The following IL1RAPL1 variants were observed in gnomAD, a reference collection of about 807,000 sequenced individuals.
IL1RAPL1 encodes the protein interleukin 1 receptor accessory protein like 1, also known as interleukin-1 receptor accessory protein-like 1.
IL1RAPL1 carries 3 observed loss-of-function variants against 48.4 expected under a neutral mutation model. The ratio of observed to expected loss-of-function variants is 0.06; its 90% CI spans 0.03 to 0.16. The LOEUF is 0.16. Ranked by LOEUF, IL1RAPL1 falls within the 10% of genes least tolerant of loss-of-function variation. The pLI, the probability that IL1RAPL1 is intolerant of heterozygous loss-of-function variation, is 1.00. For synonymous variants in IL1RAPL1, 185 were observed against 187.7 expected, an observed-to-expected ratio of 0.99 and a Z score of 0.12; for missense variants, 349 against 530.6, an observed-to-expected ratio of 0.66 and a Z score of 3.36.
chrX:29,343,624 G>A (rs1446061038), intron 3 of IL1RAPL1, among the ~76,000 whole-genome samples: 1 of 111,879 alleles, frequency 8.9e-6, no homozygotes, highest in Non-Finnish European at 1.9e-5. Context: ...ATAACATTAC[G>A]TGGTGGAGAT....
chrX:29,180,952 G>A (rs1305501358), intron 2 of IL1RAPL1, among the ~76,000 whole-genome samples: 1 of 111,598 alleles, frequency 9.0e-6, no homozygotes, highest in African/African-American at 3.3e-5. Flanking sequence ...ACGGAGGGGT[G>A]GTGAGAGTTG....
chrX:29,195,612 T>A (rs1188444257), intron 2 of IL1RAPL1, among the ~76,000 whole-genome samples: 2 of 98,618 alleles, frequency 2.0e-5, no homozygotes, highest in Non-Finnish European at 4.0e-5. Context: ...CAGGCTGGAG[T>A]GCAGTGGCGC....
chrX:29,210,261 C>T (rs752801842), intron 2 of IL1RAPL1, among the ~76,000 whole-genome samples: 1 of 111,727 alleles, frequency 9.0e-6, no homozygotes, highest in Non-Finnish European at 1.9e-5. Flanking sequence ...AATAATATGA[C>T]GCTTCTAAAC....
intron 3 of IL1RAPL1, among the ~76,000 whole-genome samples, chrX:29,349,110 A>G (rs1345996800): frequency 1.8e-5 from 2 of 112,531 alleles, no homozygotes; most frequent in Non-Finnish European, 1.9e-5. Context: ...TTTTCTGCTT[A>G]GATTCAACAA....
At chrX:29,069,669 A>ACACACACC (rs1491196944) in intron 2 of IL1RAPL1, among the ~76,000 whole-genome samples, 9 of 101,496 alleles carry the variant, frequency 8.9e-5, no homozygotes, top group South Asian at 4.4e-4. Flanking sequence ...ACACACACAC[A>ACACACACC]CCCCTCCCCT....
chrX:29,469,928 G>A (rs1041659388), intron 5 of IL1RAPL1, among the ~76,000 whole-genome samples: 3 of 111,950 alleles, frequency 2.7e-5, no homozygotes, highest in African/African-American at 9.7e-5. Context: ...ACTGCAGAAA[G>A]AAGACTGTAA....
chrX:29,820,906 T>A (rs1930597612), intron 6 of IL1RAPL1, among the ~76,000 whole-genome samples: 1 of 112,132 alleles, frequency 8.9e-6, no homozygotes, highest in African/African-American at 3.2e-5. Context: ...TGTTTTGAAT[T>A]CTTTGTCTTG....
At chrX:29,446,912 A>AC (rs1324808025) in intron 5 of IL1RAPL1, among the ~76,000 whole-genome samples, 1 of 111,378 alleles carries the variant, frequency 9.0e-6, no homozygotes, top group African/African-American at 3.3e-5. Flanking sequence ...CAGAAAAAAA[A>AC]GTGATTAAAT....
intron 2 of IL1RAPL1, among the ~76,000 whole-genome samples, chrX:28,946,321 G>A: frequency 1.1e-5 from 1 of 94,208 alleles, no homozygotes; most frequent in Middle Eastern, 5.0e-3. Context: ...GTGTGTGGTA[G>A]TTTGTAGGGG....
chrX:29,309,123 G>T (rs1199086244), intron 3 of IL1RAPL1, among the ~76,000 whole-genome samples: 1 of 112,161 alleles, frequency 8.9e-6, no homozygotes, highest in African/African-American at 3.2e-5. Flanking sequence ...TAGTCAAAGC[G>T]ATACTGCACC....
chrX:29,255,837 C>T (rs1327724634), intron 2 of IL1RAPL1, among the ~76,000 whole-genome samples: 3 of 111,598 alleles, frequency 2.7e-5, no homozygotes, highest in African/African-American at 9.8e-5. Flanking sequence ...ATATGTACCA[C>T]AGTTTCTTTA....
intron 2 of IL1RAPL1, among the ~76,000 whole-genome samples, chrX:29,222,144 C>T (rs773167021): frequency 7.2e-5 from 8 of 110,561 alleles, no homozygotes; most frequent in Non-Finnish European, 1.1e-4. Flanking sequence ...CATTTTTCCC[C>T]GGTGCAAGAA....
Position 29,658,351 on chromosome X carries a change from A to G in IL1RAPL1, c.704-10079A>G, listed in dbSNP as rs182815492. 1.9e-4 allele frequency among the ~76,000 whole-genome samples: 21 copies of G among 111,875 alleles called. No homozygotes were observed. In the East Asian group the frequency reaches 5.6e-3, roughly 30 times the overall value. On this transcript the variant is annotated intron_variant, in intron 5 of 10. Coordinates refer to ENST00000378993, the MANE Select transcript of IL1RAPL1 (RefSeq NM_014271.4). ...AATAGAGACCCTGAACCTTAACATT[A>G]TCTCCATGTTGACCACGGTTTCCTT...
intron 2 of IL1RAPL1, among the ~76,000 whole-genome samples, chrX:28,968,061 CAA>C (rs938044624): frequency 2.7e-5 from 3 of 111,293 alleles, no homozygotes; most frequent in African/African-American, 9.8e-5. Flanking sequence ...TATTGAGAAA[CAA>C]AAGAGAATTT....
At chrX:29,214,795 A>G (rs1048995365) in intron 2 of IL1RAPL1, among the ~76,000 whole-genome samples, 2 of 112,095 alleles carry the variant, frequency 1.8e-5, no homozygotes, top group African/African-American at 6.5e-5. Flanking sequence ...TTTTACCCAA[A>G]TTTCCATTCA....
chrX:29,371,816 C>G (rs1933549731), intron 3 of IL1RAPL1, among the ~76,000 whole-genome samples: 1 of 112,084 alleles, frequency 8.9e-6, no homozygotes, highest in African/African-American at 3.2e-5. Context: ...TGCATATGTA[C>G]CCATTTTCTT....
At chrX:28,841,514 T>A (rs188293806) in intron 2 of IL1RAPL1, among the ~76,000 whole-genome samples, 1 of 110,872 alleles carries the variant, frequency 9.0e-6, no homozygotes, top group Non-Finnish European at 1.9e-5. Context: ...TAAAATTGAT[T>A]TATAAACAGA....
chrX:29,451,227 G>A (rs1934675659), intron 5 of IL1RAPL1, among the ~76,000 whole-genome samples: 1 of 99,446 alleles, frequency 1.0e-5, no homozygotes, highest in Admixed American at 1.1e-4. Context: ...TTACTCTGTT[G>A]CCCAGACTGG....
intron 2 of IL1RAPL1, among the ~76,000 whole-genome samples, chrX:29,067,363 T>C (rs1319778429): frequency 8.9e-6 from 1 of 112,392 alleles, no homozygotes; most frequent in Non-Finnish European, 1.9e-5. Flanking sequence ...AAAACATTAA[T>C]GTGTTGGTGA....
Sources: allele counts gnomAD v4.1 joint callset (sites outside exome capture counted in the v4.1 genomes callset), GRCh38; gene constraint gnomAD v4.1.1; transcripts MANE v1.5; gene names NCBI Gene and HGNC (gene_info 2026-07-23, HGNC 2026-07-21).